HPSE2: variants seen among roughly 807,000 people sequenced by gnomAD.
HPSE2 encodes the protein heparanase 2 (inactive).
Under a neutral mutation model 60.5 loss-of-function variants are expected in HPSE2, and 38 were observed. That is an observed-to-expected ratio of 0.63 (90% CI 0.48 to 0.82). The LOEUF (loss-of-function observed/expected upper bound fraction) is 0.82, where lower values mean the gene tolerates loss of function less well. Ranked by LOEUF, HPSE2 falls within the 40% of genes least tolerant of loss-of-function variation. The pLI, the probability that HPSE2 is intolerant of heterozygous loss-of-function variation, is 0.00. For missense variants in HPSE2, 713 were observed against 740.4 expected (o/e 0.96, Z 0.43); for synonymous variants, 295 against 293.2 (o/e 1.01, Z -0.06).
chr10:99,247,725 C>T, the HPSE2 span, among the ~76,000 whole-genome samples: 1 of 152,150 alleles, frequency 6.6e-6, no homozygotes, highest in Non-Finnish European at 1.5e-5. Context: ...GTGTCCCCAC[C>T]CAAATCTCAT....
intron 3 of HPSE2, among the ~76,000 whole-genome samples, chr10:98,979,948 G>A (rs369839037): frequency 2.0e-5 from 3 of 152,186 alleles, no homozygotes; most frequent in African/African-American, 7.2e-5. Flanking sequence ...CAAGCAGCTA[G>A]AGTGGATATC....
At chr10:99,077,164 T>C (rs1842975157) in intron 3 of HPSE2, among the ~76,000 whole-genome samples, 1 of 152,228 alleles carries the variant, frequency 6.6e-6, no homozygotes, top group Non-Finnish European at 1.5e-5. Context: ...TTTTGACAAT[T>C]TGACTACATT....
chr10:99,189,989 T>C (rs1848164215), intron 2 of HPSE2, among the ~76,000 whole-genome samples: 1 of 152,172 alleles, frequency 6.6e-6, no homozygotes, highest in Non-Finnish European at 1.5e-5. Context: ...CCTAGGTGGA[T>C]ACCTCTGTTA....
chr10:99,070,085 C>A (rs1222059794), intron 3 of HPSE2, among the ~76,000 whole-genome samples: 1 of 152,042 alleles, frequency 6.6e-6, no homozygotes, highest in African/African-American at 2.4e-5. Context: ...TGTAATAACA[C>A]CAAAAGCATT....
chr10:98,751,282 C>T (rs1290731697), intron 3 of HPSE2, among the ~76,000 whole-genome samples: 2 of 152,102 alleles, frequency 1.3e-5, no homozygotes, highest in Admixed American at 6.5e-5. Context: ...CCCCTCTAAG[C>T]TCCTCTTCCA....
At chr10:99,291,541 G>A in the HPSE2 span, among the ~76,000 whole-genome samples, 17 of 148,364 alleles carry the variant, frequency 1.1e-4, no homozygotes, top group East Asian at 4.0e-4. Flanking sequence ...CCGAGATCGC[G>A]CCACTGCACT....
intron 9 of HPSE2, among the ~76,000 whole-genome samples, chr10:98,542,075 C>T (rs1943489321): frequency 6.6e-6 from 1 of 151,394 alleles, no homozygotes. Context: ...GGGAGGCACC[C>T]CCCAGTAGGG....
intron 2 of HPSE2, among the ~76,000 whole-genome samples, chr10:99,158,638 C>T (rs982169542): frequency 1.4e-5 from 2 of 144,140 alleles, no homozygotes; most frequent in African/African-American, 2.5e-5. Context: ...GGAGATATAC[C>T]TAATGTTAGA....
At chr10:99,022,543 C>T (rs1957286017) in intron 3 of HPSE2, among the ~76,000 whole-genome samples, 1 of 152,136 alleles carries the variant, frequency 6.6e-6, no homozygotes, top group Non-Finnish European at 1.5e-5. Context: ...TTGCACGACT[C>T]TTCCCCTAAC....
intron 9 of HPSE2, among the ~76,000 whole-genome samples, chr10:98,490,872 A>T (rs1294168818): frequency 6.6e-6 from 1 of 152,316 alleles, no homozygotes; most frequent in Admixed American, 6.5e-5. Context: ...TGATTTAAAA[A>T]TTTTCAATCT....
chr10:98,715,285 A>T (rs10883174), intron 5 of HPSE2, among the ~76,000 whole-genome samples: 1 of 151,826 alleles, frequency 6.6e-6, no homozygotes, highest in Non-Finnish European at 1.5e-5. Context: ...AATTTCAGCA[A>T]GAATATATTT....
chr10:98,984,929 G>A (rs1355395903), intron 3 of HPSE2, among the ~76,000 whole-genome samples: 1 of 152,230 alleles, frequency 6.6e-6, no homozygotes, highest in East Asian at 1.9e-4. Context: ...AGCGAGAAGG[G>A]AAGTTTAGAG....
At chr10:98,520,646 T>C (rs1591306756) in intron 9 of HPSE2, among the ~76,000 whole-genome samples, 1 of 152,196 alleles carries the variant, frequency 6.6e-6, no homozygotes. Flanking sequence ...GACATTTTCA[T>C]TGATATTAGG....
chr10:98,615,711 C>T (rs1361170558), intron 8 of HPSE2, among the ~76,000 whole-genome samples: 4 of 152,174 alleles, frequency 2.6e-5, no homozygotes, highest in African/African-American at 9.7e-5. Flanking sequence ...AAATACTGCC[C>T]TCTTAGTTCT....
intron 4 of HPSE2, among the ~76,000 whole-genome samples, chr10:98,730,173 C>A (rs1463290084): frequency 3.9e-5 from 6 of 151,984 alleles, no homozygotes; most frequent in African/African-American, 1.4e-4. Flanking sequence ...TAGAATTAAA[C>A]TGGAATTCAA....
intron 3 of HPSE2, among the ~76,000 whole-genome samples, chr10:99,094,540 A>ATATATATTTTT (rs1843646305): frequency 3.8e-5 from 1 of 26,614 alleles, no homozygotes; most frequent in Non-Finnish European, 6.0e-5. Flanking sequence ...ATATATATAT[A>ATATATATTTTT]TTTTTTTTTT....
intron 3 of HPSE2, among the ~76,000 whole-genome samples, chr10:99,062,941 A>C (rs1394559889): frequency 6.6e-6 from 1 of 152,218 alleles, no homozygotes; most frequent in Non-Finnish European, 1.5e-5. Context: ...GAAAGAAAAC[A>C]AGGATAGTAC....
intron 2 of HPSE2, among the ~76,000 whole-genome samples, chr10:99,184,817 T>G (rs2805370): frequency 0.022 from 375 of 17,082 alleles, 5 homozygotes; most frequent in Middle Eastern, 0.042. Context: ...TATATATATA[T>G]ATAGAGAGAG....
At chr10:98,712,148 T>G (rs1201059469) in intron 5 of HPSE2, among the ~76,000 whole-genome samples, 1 of 152,014 alleles carries the variant, frequency 6.6e-6, no homozygotes, top group African/African-American at 2.4e-5. Context: ...AAGTGTCAAA[T>G]CGAAGTCTAT....
Sources: gnomAD v4.1 joint callset for allele counts (sites outside exome capture counted in the v4.1 genomes callset) on GRCh38, gnomAD v4.1.1 for gene constraint, MANE v1.5 for transcripts, NCBI Gene and HGNC (gene_info 2026-07-23, HGNC 2026-07-21) for gene names.